Variants in NPR3 observed in about 807,000 individuals in gnomAD.
NPR3 encodes atrial natriuretic peptide receptor 3.
Under a neutral mutation model 54.5 loss-of-function variants are expected in NPR3, and 34 were observed. The observed-to-expected ratio is 0.62, with a 90% confidence interval of 0.47 to 0.83. The LOEUF is 0.83. Ranked by LOEUF, NPR3 falls within the 40% of genes least tolerant of loss-of-function variation. The pLI is 0.00. For synonymous variants in NPR3, 289 were observed against 297.1 expected (o/e 0.97, Z 0.28); for missense variants, 674 against 720.8 (o/e 0.94, Z 0.74).
At chr5:32,724,574 G>A (rs1739038175) in intron 1 of NPR3, 124 bp from the exon 2 acceptor site, 2 of 1,101,310 alleles carry the variant, frequency 1.8e-6, no homozygotes, top group Admixed American at 2.1e-5. Flanking sequence ...ACAAGTGATT[G>A]TGAGGAGATA....
chr5:32,720,591 A>G (rs1738801812), intron 1 of NPR3, among the ~76,000 whole-genome samples: 1 of 152,246 alleles, frequency 6.6e-6, no homozygotes, highest in Non-Finnish European at 1.5e-5. Flanking sequence ...AGGAGGAGGA[A>G]ATAGAGTAGA....
chr5:32,732,602 T>C (rs1248667651), intron 2 of NPR3, among the ~76,000 whole-genome samples: 1 of 152,166 alleles, frequency 6.6e-6, no homozygotes, highest in Non-Finnish European at 1.5e-5. Flanking sequence ...GAAGCACCCT[T>C]TTCCTTGGGG....
At chr5:32,712,761 TGGA>T (rs1301201428) in intron 1 of NPR3, among the ~76,000 whole-genome samples, 1 of 152,188 alleles carries the variant, frequency 6.6e-6, no homozygotes, top group Admixed American at 6.5e-5. Flanking sequence ...GTGAAGGGGT[TGGA>T]GGAGAGGGCG....
intron 3 of NPR3, among the ~76,000 whole-genome samples, chr5:32,773,656 C>T (rs1741887717): frequency 6.6e-6 from 1 of 152,130 alleles, no homozygotes; most frequent in Non-Finnish European, 1.5e-5. Flanking sequence ...GCCCCTCTTG[C>T]CCGCCCTTCT....
rs994298185 is a variant in NPR3, at chr5:32,790,666, G to A, written c.*4321G>A. 1.2e-5 allele frequency: 2 copies of A among 166,442 alleles called. No homozygotes were observed. The highest frequency in any genetic ancestry group is 4.8e-5 in the African/African-American group (2 of 41,416). 10.3% of individuals were successfully genotyped at this position (166,442 alleles called of 1,614,324 possible). Reference sequence around the variant, plus strand: ...TGCAGGATTAAAATAACTTCCAAAAGGTGCTGGATTGGAGTTTGTTCAAAT... The same window carrying A: ...TGCAGGATTAAAATAACTTCCAAAAAGTGCTGGATTGGAGTTTGTTCAAAT... On this transcript the variant is annotated 3_prime_UTR_variant, in exon 8 of 8. Coordinates refer to ENST00000265074, the MANE Select transcript of NPR3 (RefSeq NM_001204375.2).
intron 4 of NPR3, among the ~76,000 whole-genome samples, chr5:32,779,361 T>C (rs1035228425): frequency 2.6e-5 from 4 of 152,228 alleles, no homozygotes; most frequent in African/African-American, 9.6e-5. Flanking sequence ...ATTTAGTGAA[T>C]GAAAATTATG....
intron 2 of NPR3, among the ~76,000 whole-genome samples, chr5:32,734,476 C>A (rs1014163391): frequency 1.3e-5 from 2 of 152,210 alleles, no homozygotes; most frequent in African/African-American, 4.8e-5. Context: ...GGGCACAGGG[C>A]TTGGTGCTGA....
intron 3 of NPR3, among the ~76,000 whole-genome samples, chr5:32,743,206 T>A (rs944014226): frequency 2.0e-5 from 3 of 152,222 alleles, no homozygotes; most frequent in Non-Finnish European, 4.4e-5. Context: ...AATTGACTTT[T>A]TAGTAGAGGT....
chr5:32,781,957 G>A (rs1022312240), intron 5 of NPR3, among the ~76,000 whole-genome samples: 12 of 152,190 alleles, frequency 7.9e-5, no homozygotes, highest in African/African-American at 2.7e-4. Context: ...CCACTCGAGA[G>A]CCATGCGCTT....
rs1739048726 is a variant in NPR3 at position 32,724,745 on chromosome 5, G to C, written c.817G>C (p.Val273Leu). 6.2e-7 allele frequency: 1 copy of C among 1,613,796 alleles called. No homozygotes were observed. Among genetic ancestry groups the C allele is most frequent in the South Asian group, 1.1e-5 (1 of 91,080 alleles). Reference protein sequence around the residue: ...SSDTIRSIMLVAHRHGMTSGD... With the variant: ...SSDTIRSIMLLAHRHGMTSGD... ...TGACACCATCCGGAGCATCATGCTG[G>C]TGGCGCACAGGCATGGCATGACCAG... is the stretch of plus-strand genomic sequence containing the variant. Residue 273 changes from valine (V) to leucine (L), a missense_variant, in exon 2 of 8, where the codon GTG becomes CTG. Val to Leu is a conservative substitution (Grantham distance 32). Coordinates refer to ENST00000265074, the MANE Select transcript of NPR3 (RefSeq NM_001204375.2).
chr5:32,770,534 G>A (rs1228806185), intron 3 of NPR3, among the ~76,000 whole-genome samples: 1 of 152,198 alleles, frequency 6.6e-6, no homozygotes, highest in Non-Finnish European at 1.5e-5. Context: ...AGAATGAGTG[G>A]AAGATGGTGA....
chr5:32,728,796 T>C (rs1385153164), intron 2 of NPR3, among the ~76,000 whole-genome samples: 1 of 143,878 alleles, frequency 7.0e-6, no homozygotes, highest in Non-Finnish European at 1.5e-5. Flanking sequence ...TCCAAGCTTT[T>C]ATTTGGATTT....
At position 32,722,901 on chromosome 5, in the gene NPR3, C is replaced by G. The variant is rs1738938103; in HGVS notation, c.770-1797C>G. 2.0e-5 allele frequency among the ~76,000 whole-genome samples: 3 copies of G among 152,192 alleles called. No homozygotes were observed. The South Asian group carries it at 6.2e-4, about 32-fold the overall frequency. On this transcript the variant is annotated intron_variant, in intron 1 of 7. Transcript: ENST00000265074. ...CTTTCAGGCAGAAGCAACACCTACT[C>G]CCATACTTGTAGATCTTTAATATTT...
intron 3 of NPR3, among the ~76,000 whole-genome samples, chr5:32,743,945 T>C (rs532701334): frequency 6.6e-6 from 1 of 152,066 alleles, no homozygotes; most frequent in East Asian, 1.9e-4. Context: ...GCATTTGTTC[T>C]TTTACTAGTG....
At chr5:32,763,463 C>G (rs1277016601) in intron 3 of NPR3, among the ~76,000 whole-genome samples, 1 of 150,574 alleles carries the variant, frequency 6.6e-6, no homozygotes, top group Admixed American at 6.7e-5. Context: ...GCAATGGCCA[C>G]CTCGCTCAGC....
At chr5:32,715,515 A>G (rs149027194) in intron 1 of NPR3, among the ~76,000 whole-genome samples, 29 of 152,296 alleles carry the variant, frequency 1.9e-4, no homozygotes, top group Non-Finnish European at 3.8e-4. Flanking sequence ...AGGATTTACC[A>G]TCTAAGTCAA....
intron 1 of NPR3, among the ~76,000 whole-genome samples, chr5:32,692,958 C>CA (rs1285421340): frequency 2.0e-5 from 3 of 151,890 alleles, no homozygotes; most frequent in East Asian, 3.9e-4. Flanking sequence ...CCTGTCTCTA[C>CA]AAAAAAATAA....
At chr5:32,771,448 A>G (rs1208361997) in intron 3 of NPR3, among the ~76,000 whole-genome samples, 1 of 152,208 alleles carries the variant, frequency 6.6e-6, no homozygotes, top group Non-Finnish European at 1.5e-5. Flanking sequence ...GCGAGGACGA[A>G]AGTAACTCAA....
At chr5:32,783,099 CA>C (rs1035467151) in intron 6 of NPR3, 71 bp downstream of exon 6, 1 of 1,444,982 alleles carries the variant, frequency 6.9e-7, no homozygotes, top group Non-Finnish European at 9.4e-7. Flanking sequence ...GTTTAAAACC[CA>C]AGTGTTTCTA....
Sources: gnomAD v4.1 joint callset for allele counts (sites outside exome capture counted in the v4.1 genomes callset) on GRCh38, gnomAD v4.1.1 for gene constraint, MANE v1.5 for transcripts, NCBI Gene and HGNC (gene_info 2026-07-23, HGNC 2026-07-21) for gene names.